ZBTB21: variants seen among roughly 807,000 people sequenced by gnomAD.
ZBTB21 encodes the protein zinc finger and BTB domain-containing protein 21.
In ZBTB21, 10 loss-of-function variants were observed where a neutral mutation model predicts 39.8. The ratio of observed to expected loss-of-function variants is 0.25; its 90% CI spans 0.16 to 0.43. The LOEUF (loss-of-function observed/expected upper bound fraction) is 0.43. Ranked by LOEUF, ZBTB21 falls within the 20% of genes least tolerant of loss-of-function variation. The pLI is 1.00. For synonymous variants in ZBTB21, 551 were observed against 498.8 expected (o/e 1.10, Z -1.40); for missense variants, 1,221 against 1,296.3 (o/e 0.94, Z 0.89).
chr21:41,992,543 G>T lies in ZBTB21; in HGVS notation c.1553C>A (p.Thr518Asn). The T allele has an allele frequency of 6.2e-7, 1 of 1,614,214 alleles. No homozygotes were observed. The highest frequency in any genetic ancestry group is 1.1e-5 in the South Asian group (1 of 91,084). The change falls in exon 3 of 3, where the codon ACT becomes AAT. Residue 518 changes from threonine (T) to asparagine (N), a missense_variant. Physicochemically the swap from Thr to Asn is moderately conservative, Grantham distance 65. This residue lies in a region of ZBTB21 where 500 missense variants were observed against 465.6 expected (regional missense o/e 1.07). Transcript: ENST00000310826. This position sits in a 1 kb window ranked among gnomAD's most constrained non-coding sequence, Gnocchi z 4.1. ...EDNFEEGSSP[T>N]LLDADFPDSD... ...ATCTGGAAAATCTGCATCAAGGAGA[G>T]TAGGGCTTGAGCCTTCCTCAAAATT...
intron 1 of ZBTB21, chr21:42,007,993 T>G (rs563962922): frequency 6.6e-6 from 1 of 152,310 alleles, no homozygotes; most frequent in East Asian, 1.9e-4. Context: ...TCCATCACAG[T>G]ATATCCTCAG....
chr21:42,010,015 G>A (rs1482902257), intron 1 of ZBTB21, among the ~76,000 whole-genome samples: 1 of 152,262 alleles, frequency 6.6e-6, no homozygotes, highest in Admixed American at 6.5e-5. Flanking sequence ...TGCTGGCAGG[G>A]AGCGTGCGCA....
intron 1 of ZBTB21, among the ~76,000 whole-genome samples, chr21:42,010,039 A>C (rs1286631926): frequency 1.3e-5 from 2 of 152,236 alleles, no homozygotes; most frequent in Non-Finnish European, 2.9e-5. Context: ...TGAAGGTACA[A>C]TCGGCTACGT....
rs773616321 is a variant in ZBTB21 at position 41,994,126 on chromosome 21, A to C, written c.-13-18T>G. 3.9e-6 allele frequency: 6 copies of C among 1,537,962 alleles called. No homozygotes were observed. The South Asian group carries it at 7.7e-5, about 20-fold the overall frequency. On this transcript the variant is annotated intron_variant, in intron 2 of 2. Coordinates refer to ENST00000310826, the MANE Select transcript of ZBTB21 (RefSeq NM_001098402.2). ...GAGTTTATCTAAAAGACAAAATGTA[A>C]AATTACTACAGATATTGCAGTGAAA...
In ZBTB21 at chr21:41,993,328, T is replaced by C. The variant is rs1449195984; in HGVS notation, c.768A>G (p.Pro256=). ...CTTTTGGAAGCTGACCACTCACACC[T>C]GGTTTATCATCCATAGCTTCTCTGT... The part of the protein sequence containing the change: ...LQDREAMDDK[P]GVSGQLPKGK... The change falls in exon 3 of 3, where the codon CCA becomes CCG. Residue 256 remains proline (P), a synonymous_variant. Coordinates refer to ENST00000310826, the MANE Select transcript of ZBTB21 (RefSeq NM_001098402.2). The C allele has an allele frequency of 6.2e-7, 1 of 1,613,524 alleles. No homozygotes were observed. Among genetic ancestry groups the C allele is most frequent in the Non-Finnish European group, 8.5e-7 (1 of 1,179,892 alleles).
At chr21:41,994,227 T>C in intron 2 of ZBTB21, 119 bp from the exon 3 acceptor site, 1 of 764,562 alleles carries the variant, frequency 1.3e-6, no homozygotes, top group African/African-American at 1.7e-5. Context: ...GACCGTAGGC[T>C]AACAGAAGCT....
chr21:42,008,163 T>C (rs978192840), intron 1 of ZBTB21: 3 of 152,008 alleles, frequency 2.0e-5, no homozygotes, highest in African/African-American at 7.3e-5. Flanking sequence ...AGCTCTTACA[T>C]AGCTTATAAT....
rs2065946052 is a variant in ZBTB21 at position 42,010,268 on chromosome 21, G to A, written c.-95C>T. On this transcript the variant is annotated 5_prime_UTR_variant, in exon 1 of 3. Transcript: ENST00000310826. ...GTTACTCACCGGTCTTCAGTCTCGA[G>A]GCAGACGCCGGGCCCCTTTCCGCTC... is the stretch of plus-strand genomic sequence containing the variant. The A allele has an allele frequency of 7.5e-6, 3 of 398,310 alleles. No homozygotes were observed. The highest frequency in any genetic ancestry group is 3.6e-5 in the East Asian group (1 of 28,074). 24.7% of individuals were successfully genotyped at this position (398,310 alleles called of 1,614,324 possible). A position where few individuals can be genotyped will look rare whatever the true frequency, so the allele number is the denominator to read the frequency against.
At position 41,987,059 on chromosome 21, in the gene ZBTB21, G is replaced by A. The variant is rs1026672723; in HGVS notation, c.*3836C>T. On this transcript the variant is annotated 3_prime_UTR_variant, in exon 3 of 3. Transcript: ENST00000310826. ...AATACACAGAATTATAAAACCATTC[G>A]TTTTTCTTTTAACCATAAGCATATA... 1.0e-4 allele frequency: 16 copies of A among 152,572 alleles called. No homozygotes were observed. Among genetic ancestry groups the A allele is most frequent in the Non-Finnish European group, 1.6e-4 (11 of 68,020 alleles). The allele number at this position is 152,572 out of a possible 1,614,324, so 9.5% of individuals were successfully genotyped here. A position where few individuals can be genotyped will look rare whatever the true frequency, so the allele number is the denominator to read the frequency against.
chr21:42,006,424 G>A (rs1225527974), intron 1 of ZBTB21, among the ~76,000 whole-genome samples: 3 of 132,360 alleles, frequency 2.3e-5, no homozygotes, highest in East Asian at 4.0e-4. Context: ...GCGAAACTCC[G>A]TCTCAAAAAA....
chr21:41,989,668 A>G lies in ZBTB21; in HGVS notation c.*1227T>C, dbSNP rs1164359021. The G allele has an allele frequency of 6.6e-6, 1 of 152,200 alleles. No homozygotes were observed. Among genetic ancestry groups the G allele is most frequent in the Non-Finnish European group, 1.5e-5 (1 of 68,008 alleles). The allele number at this position is 152,200 out of a possible 1,614,324, so 9.4% of individuals were successfully genotyped here. A position where few individuals can be genotyped will look rare whatever the true frequency, so the allele number is the denominator to read the frequency against. On this transcript the variant is annotated 3_prime_UTR_variant, in exon 3 of 3. Transcript: ENST00000310826. ...CTAAAACTAATTTTGGACCACTGAT[A>G]GTGCTCTAATACCTATTTTTGAAAT...
Position 41,993,663 on chromosome 21 carries a change from G to T in ZBTB21, c.433C>A (p.Gln145Lys). The T allele has an allele frequency of 6.2e-7, 1 of 1,614,166 alleles. No individual in the cohort carries two copies. The highest frequency in any genetic ancestry group is 8.5e-7 in the Non-Finnish European group (1 of 1,180,036). Residue 145 changes from glutamine to lysine, a missense_variant, in exon 3 of 3, where the codon CAA becomes AAA. By Grantham distance (53) the Gln-to-Lys change is moderately conservative. Transcript: ENST00000310826. ...TGACAAACAATGACACTTCTCTTTT[G>T]AGAACTGTTTTCATCATCTTCTACA... ...VFVEDDENSSQKRSVIVCQSR... is the reference protein window; with the variant it reads ...VFVEDDENSSKKRSVIVCQSR...
intron 1 of ZBTB21, among the ~76,000 whole-genome samples, chr21:42,007,608 TA>T (rs1019429563): frequency 1.4e-4 from 21 of 152,356 alleles, no homozygotes; most frequent in African/African-American, 4.8e-4. Flanking sequence ...CTCAGTCATC[TA>T]AACTACCACA....
intron 2 of ZBTB21, among the ~76,000 whole-genome samples, chr21:41,996,032 G>T (rs1767797488): frequency 6.6e-6 from 1 of 152,254 alleles, no homozygotes. Flanking sequence ...GAAGAAGTCT[G>T]CTGCAGGGCT....
rs1377270787 is a variant in ZBTB21, at chr21:41,988,707, C to T, written c.*2188G>A. Reference sequence around the variant, plus strand: ...AGACAAAAATGTGAAGACAAAACACCAGTCATTTTTAAAATCTAACAGATA... The same window carrying T: ...AGACAAAAATGTGAAGACAAAACACTAGTCATTTTTAAAATCTAACAGATA... On this transcript the variant is annotated 3_prime_UTR_variant, in exon 3 of 3. Transcript: ENST00000310826. 1 of 151,912 alleles carries T rather than the reference C, an allele frequency of 6.6e-6. No homozygotes were observed. Among genetic ancestry groups the T allele is most frequent in the African/African-American group, 2.4e-5 (1 of 41,386 alleles). 9.4% of individuals were successfully genotyped at this position (151,912 alleles called of 1,614,324 possible). A position where few individuals can be genotyped will look rare whatever the true frequency, so the allele number is the denominator to read the frequency against.
chr21:42,000,050 G>C (rs572401960), intron 2 of ZBTB21, among the ~76,000 whole-genome samples: 1 of 152,286 alleles, frequency 6.6e-6, no homozygotes, highest in African/African-American at 2.4e-5. Context: ...CCAGATGAGA[G>C]AGGATGGTGG....
rs769060928 is a variant in ZBTB21 at position 41,992,206 on chromosome 21, T to TTC, written c.1888_1889dup (p.Ile631LysfsTer6). On this transcript the variant is annotated frameshift_variant, in exon 3 of 3. Transcript: ENST00000310826. LOFTEE classifies it high-confidence loss of function. The surrounding 1 kb of genome is among the most constrained non-coding windows in gnomAD (Gnocchi z 4.1). The stretch of plus-strand genomic sequence containing the variant: ...ACTTAATGATCAGGGCCTTCTTAAT[T>TTC]TCTCTCTCTCTCACTATGTCAATCA... 1 of 1,613,928 alleles carries TTC rather than the reference T, an allele frequency of 6.2e-7. No homozygotes were observed. The highest frequency in any genetic ancestry group is 1.7e-5 in the Admixed American group (1 of 60,000).
intron 2 of ZBTB21, among the ~76,000 whole-genome samples, chr21:42,002,075 T>C (rs145143607): frequency 9.2e-4 from 140 of 152,222 alleles, no homozygotes; most frequent in African/African-American, 3.2e-3. Context: ...GGCTAAAATA[T>C]GTCATCTGAG....
chr21:41,997,461 A>C (rs1434400738), intron 2 of ZBTB21, among the ~76,000 whole-genome samples: 1 of 152,000 alleles, frequency 6.6e-6, no homozygotes, highest in African/African-American at 2.4e-5. Context: ...CTGTAATCCC[A>C]GCTACTCAGG....
Sources: gnomAD v4.1 joint callset for allele counts (sites outside exome capture counted in the v4.1 genomes callset) on GRCh38, gnomAD v4.1.1 for gene constraint, gnomAD v4.1.1 regional missense constraint, Gnocchi (gnomAD v3.1) non-coding constraint, MANE v1.5 for transcripts, NCBI Gene and HGNC (gene_info 2026-07-23, HGNC 2026-07-21) for gene names.